LEF1: variants seen among roughly 807,000 people sequenced by gnomAD.
LEF1 encodes lymphoid enhancer-binding factor 1.
LEF1 carries 14 observed loss-of-function variants against 51.2 expected under a neutral mutation model. That is an observed-to-expected ratio of 0.27 (90% CI 0.18 to 0.43). LEF1 has a LOEUF of 0.43. LEF1 is among the 20% of genes least tolerant of loss of function. The pLI, the probability that LEF1 is intolerant of heterozygous loss-of-function variation, is 1.00. For missense variants in LEF1, 386 were observed against 512.0 expected, an observed-to-expected ratio of 0.75 and a Z score of 2.37; for synonymous variants, 185 against 183.2, an observed-to-expected ratio of 1.01 and a Z score of -0.08.
chr4:108,130,074 A>C (rs995754585), intron 3 of LEF1, among the ~76,000 whole-genome samples: 13 of 152,160 alleles, frequency 8.5e-5, no homozygotes, highest in African/African-American at 3.1e-4. Flanking sequence ...CAATTCCAAT[A>C]ATCACCTAGA....
chr4:108,120,285 C>A (rs1321278190), intron 3 of LEF1, among the ~76,000 whole-genome samples: 2 of 152,186 alleles, frequency 1.3e-5, no homozygotes, highest in East Asian at 3.9e-4. Flanking sequence ...CCTGCCTCAG[C>A]CTCCCAAAGT....
rs554203724 is a variant in LEF1 at position 108,158,886 on chromosome 4, G to A, written c.414+4682C>T. On this transcript the variant is annotated intron_variant, in intron 3 of 11. Transcript: ENST00000265165. The stretch of plus-strand genomic sequence containing the variant: ...AAGACTCGATCAAAATAATGAGGTT[G>A]ATGAGAGCAAATCTAAGACCTGTAT... Among the ~76,000 whole-genome samples, 38 of 152,218 alleles carry A rather than the reference G, an allele frequency of 2.5e-4. No individual in the cohort carries two copies. The East Asian group carries it at 6.4e-3, about 26-fold the overall frequency.
chr4:108,060,171 G>A (rs1036368990), intron 11 of LEF1, among the ~76,000 whole-genome samples: 1 of 152,116 alleles, frequency 6.6e-6, no homozygotes, highest in Non-Finnish European at 1.5e-5. Context: ...GAGGGACACA[G>A]GGGATGATCT....
At chr4:108,086,216 A>C (rs1739636158) in intron 4 of LEF1, among the ~76,000 whole-genome samples, 1 of 152,142 alleles carries the variant, frequency 6.6e-6, no homozygotes. Flanking sequence ...GCCACTGAAG[A>C]CACATTTCAC....
chr4:108,152,429 A>C (rs1307662800), intron 3 of LEF1, among the ~76,000 whole-genome samples: 1 of 152,224 alleles, frequency 6.6e-6, no homozygotes, highest in African/African-American at 2.4e-5. Context: ...TCCCACAGCC[A>C]GTGGGGCAAG....
intron 3 of LEF1, among the ~76,000 whole-genome samples, chr4:108,118,262 G>T (rs1303476997): frequency 3.3e-5 from 5 of 152,208 alleles, no homozygotes. Context: ...TAACTTGGAA[G>T]GTGGCAAAGA....
intron 11 of LEF1, 118 bp from the exon 12 acceptor site, chr4:108,048,869 T>G (rs1736792242): frequency 1.6e-6 from 1 of 637,014 alleles, no homozygotes; most frequent in Non-Finnish European, 2.4e-6. Flanking sequence ...ATCCATTTTG[T>G]TAATTTGGGG....
intron 3 of LEF1, among the ~76,000 whole-genome samples, chr4:108,097,174 T>C (rs1254090904): frequency 6.6e-6 from 1 of 152,224 alleles, no homozygotes; most frequent in Non-Finnish European, 1.5e-5. Context: ...ATAGCTAAGA[T>C]TTGGAATCAA....
chr4:108,166,180 G>C, intron 1 of LEF1: 1 of 1,319,528 alleles, frequency 7.6e-7, no homozygotes, highest in Middle Eastern at 2.7e-4. Flanking sequence ...CCCTACCCCC[G>C]CCCCCAGCCC....
chr4:108,068,910 C>A (rs1240818332), intron 9 of LEF1, among the ~76,000 whole-genome samples: 1 of 152,130 alleles, frequency 6.6e-6, no homozygotes, highest in African/African-American at 2.4e-5. Flanking sequence ...TTAAGACTGA[C>A]CTGGCTGGCA....
intron 3 of LEF1, among the ~76,000 whole-genome samples, chr4:108,094,518 A>G (rs1282427377): frequency 6.6e-6 from 1 of 152,230 alleles, no homozygotes; most frequent in Non-Finnish European, 1.5e-5. Context: ...TGTTAGCCTC[A>G]GAGGATGTGG....
At chr4:108,144,222 C>T (rs1299832524) in intron 3 of LEF1, among the ~76,000 whole-genome samples, 2 of 152,110 alleles carry the variant, frequency 1.3e-5, no homozygotes, top group Non-Finnish European at 2.9e-5. Context: ...TAAACCATTC[C>T]AATGTTTATT....
chr4:108,111,681 G>A (rs1405121582), intron 3 of LEF1, among the ~76,000 whole-genome samples: 2 of 152,172 alleles, frequency 1.3e-5, no homozygotes, highest in African/African-American at 4.8e-5. Flanking sequence ...GGAGGCCAAG[G>A]CAGGTGAATT....
At chr4:108,150,401 C>T (rs1046947137) in intron 3 of LEF1, among the ~76,000 whole-genome samples, 1 of 152,162 alleles carries the variant, frequency 6.6e-6, no homozygotes, top group African/African-American at 2.4e-5. Context: ...AAAAATCAGA[C>T]ACTTATCAAA....
Position 108,047,840 on chromosome 4 carries a change from G to C in LEF1, c.*918C>G, listed in dbSNP as rs370066353. On this transcript the variant is annotated 3_prime_UTR_variant, in exon 12 of 12. Transcript: ENST00000265165. The stretch of plus-strand genomic sequence containing the variant: ...AGAAATGAAAATTCACTGCAAACCA[G>C]TCTGCTGAACGCATCTGTTAAGGTT... 28 of 152,684 alleles carry C rather than the reference G, an allele frequency of 1.8e-4. No homozygotes were observed. Among genetic ancestry groups the C allele is most frequent in the African/African-American group, 6.5e-4 (27 of 41,540 alleles). The allele number at this position is 152,684 out of a possible 1,614,324, so 9.5% of individuals were successfully genotyped here.
intron 3 of LEF1, among the ~76,000 whole-genome samples, chr4:108,136,992 T>A (rs1743306076): frequency 1.3e-5 from 2 of 152,206 alleles, no homozygotes; most frequent in African/African-American, 4.8e-5. Flanking sequence ...TTCTGGCTTA[T>A]TAAAAAGTCA....
intron 3 of LEF1, among the ~76,000 whole-genome samples, chr4:108,103,360 T>C (rs563072374): frequency 2.8e-4 from 43 of 152,372 alleles, no homozygotes; most frequent in African/African-American, 9.9e-4. Context: ...CAAGAAAGAA[T>C]GTAAGCTATT....
At chr4:108,160,429 T>C (rs1269039338) in intron 3 of LEF1, among the ~76,000 whole-genome samples, 1 of 152,132 alleles carries the variant, frequency 6.6e-6, no homozygotes, top group Non-Finnish European at 1.5e-5. Context: ...GAAGACCAAC[T>C]CAAGCCAAAG....
intron 3 of LEF1, among the ~76,000 whole-genome samples, chr4:108,147,686 C>T (rs1206633403): frequency 2.0e-5 from 3 of 152,164 alleles, no homozygotes; most frequent in Non-Finnish European, 4.4e-5. Flanking sequence ...TACAGTGATT[C>T]CCTGCAATGA....
Sources: gnomAD v4.1 joint callset for allele counts (sites outside exome capture counted in the v4.1 genomes callset) on GRCh38, gnomAD v4.1.1 for gene constraint, MANE v1.5 for transcripts, NCBI Gene and HGNC (gene_info 2026-07-23, HGNC 2026-07-21) for gene names.